Variants in CFAP210 observed in about 807,000 individuals in gnomAD.
CFAP210 encodes cilia- and flagella- associated protein 210.
the CFAP210 span, among the ~76,000 whole-genome samples, chr2:169,672,970 T>C: frequency 6.6e-6 from 1 of 152,182 alleles, no homozygotes; most frequent in African/African-American, 2.4e-5. Flanking sequence ...CTTACCCACA[T>C]AACTGAATTT....
chr2:169,656,996 TA>T, the CFAP210 span, among the ~76,000 whole-genome samples: 52,656 of 116,934 alleles, frequency 0.45, 10,518 homozygotes, highest in Non-Finnish European at 0.48. Context: ...AAGAACAGAG[TA>T]AAAAAAAAAG....
chr2:169,657,789 C>A, the CFAP210 span, among the ~76,000 whole-genome samples: 2 of 152,096 alleles, frequency 1.3e-5, no homozygotes, highest in East Asian at 3.9e-4. Flanking sequence ...TGAAGATCAT[C>A]AATGGCATCA....
At chr2:169,690,534 G>A in the CFAP210 span, among the ~76,000 whole-genome samples, 1 of 151,946 alleles carries the variant, frequency 6.6e-6, no homozygotes, top group South Asian at 2.1e-4. Flanking sequence ...GTGGTGGCGG[G>A]TGCCTGTAAT....
At chr2:169,653,104 T>A in the CFAP210 span, among the ~76,000 whole-genome samples, 1 of 124,420 alleles carries the variant, frequency 8.0e-6, no homozygotes, top group Non-Finnish European at 1.6e-5. Flanking sequence ...ATATATATAG[T>A]GCTATATATC....
the CFAP210 span, among the ~76,000 whole-genome samples, chr2:169,675,532 T>A: frequency 6.6e-6 from 1 of 152,062 alleles, no homozygotes; most frequent in African/African-American, 2.4e-5. Context: ...AATGACCACA[T>A]CTCACGAGAA....
At chr2:169,688,785 CCT>C in the CFAP210 span, among the ~76,000 whole-genome samples, 2 of 152,198 alleles carry the variant, frequency 1.3e-5, no homozygotes, top group African/African-American at 4.8e-5. Context: ...CCCACATTTT[CCT>C]GTCTTCTTCT....
At chr2:169,680,684 A>C in the CFAP210 span, among the ~76,000 whole-genome samples, 1 of 152,190 alleles carries the variant, frequency 6.6e-6, no homozygotes, top group African/African-American at 2.4e-5. Flanking sequence ...GTGGTTACCT[A>C]AGGATCCAGA....
chr2:169,683,276 A>G, the CFAP210 span, among the ~76,000 whole-genome samples: 1 of 152,176 alleles, frequency 6.6e-6, no homozygotes, highest in African/African-American at 2.4e-5. Flanking sequence ...TTTAGTTGCA[A>G]ATGACTAATC....
the CFAP210 span, among the ~76,000 whole-genome samples, chr2:169,656,067 C>T: frequency 7.8e-4 from 119 of 152,250 alleles, no homozygotes; most frequent in South Asian, 1.7e-3. Context: ...AGTGGGACTT[C>T]TTGGAAAATT....
At chr2:169,669,254 G>T in the CFAP210 span, among the ~76,000 whole-genome samples, 15,184 of 152,138 alleles carry the variant, frequency 0.1, 956 homozygotes, top group Middle Eastern at 0.19. Flanking sequence ...GGCCCTGGAA[G>T]ATCAGTATAA....
the CFAP210 span, among the ~76,000 whole-genome samples, chr2:169,670,072 T>G: frequency 6.6e-6 from 1 of 152,202 alleles, no homozygotes; most frequent in Admixed American, 6.5e-5. Context: ...TTTTCTTTTT[T>G]TGTGTGTGAA....
the CFAP210 span, among the ~76,000 whole-genome samples, chr2:169,659,682 C>G: frequency 6.6e-6 from 1 of 152,156 alleles, no homozygotes; most frequent in African/African-American, 2.4e-5. Flanking sequence ...TATCATTCTG[C>G]TCTTAACCCC....
At chr2:169,649,672 T>C in the CFAP210 span, among the ~76,000 whole-genome samples, 1 of 152,140 alleles carries the variant, frequency 6.6e-6, no homozygotes, top group Non-Finnish European at 1.5e-5. Flanking sequence ...TCAACACCTG[T>C]AATCTCAGCA....
chr2:169,649,970 G>T, the CFAP210 span, among the ~76,000 whole-genome samples: 1 of 151,576 alleles, frequency 6.6e-6, no homozygotes, highest in Non-Finnish European at 1.5e-5. Context: ...CAAATTAAAT[G>T]TTATGACAGT....
At chr2:169,650,879 G>A in the CFAP210 span, among the ~76,000 whole-genome samples, 4 of 151,546 alleles carry the variant, frequency 2.6e-5, no homozygotes, top group African/African-American at 4.8e-5. Context: ...TGGTAGGATC[G>A]CTTGAGCCCA....
chr2:169,685,578 C>A, the CFAP210 span, among the ~76,000 whole-genome samples: 3 of 151,970 alleles, frequency 2.0e-5, no homozygotes, highest in African/African-American at 7.2e-5. Context: ...TGATAGTGTT[C>A]TTTGATGTAT....
the CFAP210 span, chr2:169,662,198 T>C: frequency 1.2e-5 from 17 of 1,413,246 alleles, no homozygotes; most frequent in African/African-American, 2.3e-4. Flanking sequence ...TCCATAAACA[T>C]GTACAAATAT....
At chr2:169,674,538 A>G in the CFAP210 span, 1 of 1,477,838 alleles carries the variant, frequency 6.8e-7, no homozygotes, top group East Asian at 2.5e-5. Flanking sequence ...TTATGAGAAA[A>G]CGAGAAAGGT....
chr2:169,655,483 A>C, the CFAP210 span, among the ~76,000 whole-genome samples: 4 of 152,254 alleles, frequency 2.6e-5, no homozygotes, highest in African/African-American at 4.8e-5. Context: ...CAATATGATC[A>C]ATATGAAAAA....
Sources: allele counts gnomAD v4.1 joint callset (sites outside exome capture counted in the v4.1 genomes callset), GRCh38; gene constraint gnomAD v4.1.1; transcripts MANE v1.5; gene names NCBI Gene and HGNC (gene_info 2026-07-23, HGNC 2026-07-21).